ABCE1: variants seen among roughly 807,000 people sequenced by gnomAD.
The protein encoded by ABCE1 is ATP-binding cassette sub-family E member 1.
ABCE1 carries 22 observed loss-of-function variants against 83.4 expected under a neutral mutation model. The observed-to-expected ratio is 0.26, with a 90% CI of 0.19 to 0.38. ABCE1 has a LOEUF of 0.38. Among genes scored for constraint, ABCE1 ranks in the 10% least tolerant of loss-of-function variants. ABCE1 has a pLI of 1.00. For missense variants in ABCE1, 330 were observed against 721.9 expected (o/e 0.46, Z 6.22); for synonymous variants, 204 against 233.7 (o/e 0.87, Z 1.16).
chr4:145,115,663 T>G (rs1237398754), intron 9 of ABCE1, among the ~76,000 whole-genome samples: 3 of 151,908 alleles, frequency 2.0e-5, no homozygotes, highest in Non-Finnish European at 4.4e-5. Context: ...AAAATTTTAT[T>G]TCATCAAACT....
intron 17 of ABCE1, among the ~76,000 whole-genome samples, chr4:145,126,497 A>G (rs1161931930): frequency 6.6e-6 from 1 of 152,070 alleles, no homozygotes; most frequent in East Asian, 1.9e-4. Flanking sequence ...GGGTTTCACC[A>G]TCTTGCCCGT....
chr4:145,103,998 T>C (rs1270598317), intron 1 of ABCE1, among the ~76,000 whole-genome samples: 3 of 152,116 alleles, frequency 2.0e-5, no homozygotes, highest in Admixed American at 2.0e-4. Context: ...AAATCTGTGA[T>C]ATTAACTATT....
At chr4:145,122,441 T>C (rs1273759900) in intron 13 of ABCE1, 1 of 152,180 alleles carries the variant, frequency 6.6e-6, no homozygotes, top group Non-Finnish European at 1.5e-5. Flanking sequence ...TCTTAAATGA[T>C]TTTTCCTCTG....
At chr4:145,120,710 A>G (rs961761083) in intron 11 of ABCE1, among the ~76,000 whole-genome samples, 4 of 152,122 alleles carry the variant, frequency 2.6e-5, no homozygotes, top group African/African-American at 7.2e-5. Flanking sequence ...TTACAAAACT[A>G]TAGAAGATAA....
At chr4:145,116,341 G>C (rs1460764648) in intron 9 of ABCE1, among the ~76,000 whole-genome samples, 1 of 151,792 alleles carries the variant, frequency 6.6e-6, no homozygotes, top group East Asian at 1.9e-4. Context: ...AGAAATACGA[G>C]GGCCTGAACT....
At chr4:145,123,419 A>G (rs1291159968) in intron 15 of ABCE1, 59 bp from the exon 16 acceptor site, 16 of 1,589,034 alleles carry the variant, frequency 1.0e-5, no homozygotes, top group Non-Finnish European at 1.4e-5. Flanking sequence ...TGTGCTTAAT[A>G]TAACAGTCGA....
rs767023732 is a variant in ABCE1, at chr4:145,110,431, A to G, written c.600A>G (p.Val200=). ...RKDETKTQAI[V]CQQLDLTHLK... is the part of the protein sequence containing the mutation. The stretch of plus-strand genomic sequence containing the variant: ...ATGAAACAAAGACACAGGCAATTGT[A>G]TGTCAGCAGCTTGGTAAGTGTTTAT... Residue 200 remains valine (V), a synonymous_variant, in exon 7 of 18, where the codon GTA becomes GTG. Transcript: ENST00000296577. The G allele has an allele frequency of 6.2e-7, 1 of 1,611,992 alleles. No homozygotes were observed. The highest frequency in any genetic ancestry group is 2.2e-5 in the East Asian group (1 of 44,876).
intron 9 of ABCE1, among the ~76,000 whole-genome samples, chr4:145,116,253 A>G (rs1749604561): frequency 1.3e-5 from 2 of 151,968 alleles, no homozygotes; most frequent in African/African-American, 4.8e-5. Context: ...TGAAAGTCTA[A>G]GTCTAATTAA....
At chr4:145,103,918 CAT>C (rs1326707553) in intron 1 of ABCE1, among the ~76,000 whole-genome samples, 1 of 151,880 alleles carries the variant, frequency 6.6e-6, no homozygotes, top group Non-Finnish European at 1.5e-5. Context: ...CACACCACCA[CAT>C]GTCTGGGGTT....
Position 145,123,035 on chromosome 4 carries a change from G to A in ABCE1, c.1278G>A (p.Gln426=). The change falls in exon 14 of 18, where the codon CAG becomes CAA. Residue 426 remains glutamine (Q), a synonymous_variant. Coordinates refer to ENST00000296577, the MANE Select transcript of ABCE1 (RefSeq NM_002940.3). ...ISPKSTGSVR[Q]LLHEKIRDAY... Reference sequence around the variant, plus strand: ...ATTAAAAACAGGGAAGTGTTCGCCAGTTACTACATGAAAAGATAAGAGATG... The same window carrying A: ...ATTAAAAACAGGGAAGTGTTCGCCAATTACTACATGAAAAGATAAGAGATG... The A allele has an allele frequency of 6.3e-7, 1 of 1,586,798 alleles. No individual in the cohort carries two copies. The highest frequency in any genetic ancestry group is 8.6e-7 in the Non-Finnish European group (1 of 1,169,346).
chr4:145,115,565 C>G (rs1749587831), intron 9 of ABCE1, among the ~76,000 whole-genome samples: 1 of 151,822 alleles, frequency 6.6e-6, no homozygotes, highest in Admixed American at 6.6e-5. Context: ...CAGATTACTC[C>G]TGAAATGTTT....
chr4:145,109,049 C>T (rs1253132838), intron 4 of ABCE1, 83 bp from the exon 5 acceptor site: 1 of 913,540 alleles, frequency 1.1e-6, no homozygotes, highest in Non-Finnish European at 1.7e-6. Context: ...AGTGCAGGTG[C>T]ATTAAAATAT....
chr4:145,107,882 A>C (rs545847103), intron 3 of ABCE1, 133 bp from the exon 4 acceptor site: 1 of 698,206 alleles, frequency 1.4e-6, no homozygotes, highest in South Asian at 2.1e-5. Flanking sequence ...AGTAGAAGGA[A>C]ATGAAACAAC....
At chr4:145,098,607 C>G (rs1458695143) in intron 1 of ABCE1, 188 bp downstream of exon 1, 1 of 152,320 alleles carries the variant, frequency 6.6e-6, no homozygotes. Context: ...CTTGGGGGCG[C>G]CTCGGTCTTC....
chr4:145,107,968 A>T, intron 3 of ABCE1, 47 bp from the exon 4 acceptor site: 1 of 1,443,798 alleles, frequency 6.9e-7, no homozygotes, highest in Non-Finnish European at 9.5e-7. Flanking sequence ...TTATGTGTAT[A>T]TGTCTACAAA....
intron 10 of ABCE1, among the ~76,000 whole-genome samples, chr4:145,119,412 TAAA>T (rs1396689207): frequency 6.6e-6 from 1 of 151,902 alleles, no homozygotes; most frequent in African/African-American, 2.4e-5. Context: ...GTGAAGCCAT[TAAA>T]AAAATGTTAA....
intron 11 of ABCE1, 56 bp from the exon 12 acceptor site, chr4:145,121,117 AT>A: frequency 6.4e-7 from 1 of 1,562,446 alleles, no homozygotes; most frequent in Non-Finnish European, 8.8e-7. Context: ...GGACATAGTG[AT>A]TTACTTTAAA....
At chr4:145,111,129 C>T in intron 8 of ABCE1, 65 bp downstream of exon 8, 1 of 1,029,220 alleles carries the variant, frequency 9.7e-7, no homozygotes, top group Non-Finnish European at 1.4e-6. Flanking sequence ...TGTGATGCTG[C>T]TAATAGAGGA....
chr4:145,114,211 G>A (rs537512722), intron 9 of ABCE1, among the ~76,000 whole-genome samples: 34 of 152,132 alleles, frequency 2.2e-4, no homozygotes, highest in African/African-American at 8.2e-4. Context: ...GCTCTTTGGG[G>A]AAGGCAAGTG....
Sources: gnomAD v4.1 joint callset for allele counts (sites outside exome capture counted in the v4.1 genomes callset) on GRCh38, gnomAD v4.1.1 for gene constraint, MANE v1.5 for transcripts, NCBI Gene and HGNC (gene_info 2026-07-23, HGNC 2026-07-21) for gene names.